Variants in WARS2 observed in about 807,000 individuals in gnomAD.
WARS2 encodes the protein tryptophan--tRNA ligase, mitochondrial.
Under a neutral mutation model 36.5 loss-of-function variants are expected in WARS2, and 28 were observed. The observed-to-expected ratio is 0.77, with a 90% CI of 0.57 to 1.05. The LOEUF is 1.05. Among genes scored for constraint, WARS2 ranks in the 50% least tolerant of loss-of-function variants. The pLI is 0.00. For missense variants in WARS2, 435 were observed against 456.8 expected (o/e 0.95, Z 0.44); for synonymous variants, 174 against 178.4 (o/e 0.98, Z 0.20).
chr1:119,097,388 C>T (rs1415002658), intron 1 of WARS2, among the ~76,000 whole-genome samples: 1 of 152,228 alleles, frequency 6.6e-6, no homozygotes, highest in Non-Finnish European at 1.5e-5. Context: ...ATCAAGTCTA[C>T]TTTTTCAGCC....
intron 1 of WARS2, among the ~76,000 whole-genome samples, chr1:119,115,413 G>A (rs1374183591): frequency 6.6e-6 from 1 of 152,112 alleles, no homozygotes; most frequent in African/African-American, 2.4e-5. Flanking sequence ...TTACAAAACT[G>A]GAGAGCAAAC....
At position 119,097,286 on chromosome 1, in the gene WARS2, A is replaced by T. The variant is rs377224455; in HGVS notation, c.91-20679T>A. On this transcript the variant is annotated intron_variant, in intron 1 of 5. Transcript: ENST00000235521. Reference sequence around the variant, plus strand: ...CCCAATTACCGATCAGATGTTTTATATAACAAAGTATTTTTCAAGTTCTCT... The same window carrying T: ...CCCAATTACCGATCAGATGTTTTATTTAACAAAGTATTTTTCAAGTTCTCT... 6.6e-5 allele frequency among the ~76,000 whole-genome samples: 10 copies of T among 152,324 alleles called. 1 individual carries two copies. The highest frequency in any genetic ancestry group is 2.4e-4 in the African/African-American group (10 of 41,570).
At chr1:119,046,061 C>T (rs1423626707) in intron 2 of WARS2, among the ~76,000 whole-genome samples, 1 of 152,048 alleles carries the variant, frequency 6.6e-6, no homozygotes, top group Non-Finnish European at 1.5e-5. Flanking sequence ...ACACTGGTTC[C>T]AAGCCTCTCT....
At chr1:119,069,494 G>A (rs983132728) in intron 2 of WARS2, among the ~76,000 whole-genome samples, 1 of 152,168 alleles carries the variant, frequency 6.6e-6, no homozygotes, top group African/African-American at 2.4e-5. Flanking sequence ...TGTTTTGTAA[G>A]TTAAGGACTG....
At chr1:119,126,649 T>A in intron 1 of WARS2, 1 of 713,728 alleles carries the variant, frequency 1.4e-6, no homozygotes. Context: ...CGAAGCTCCA[T>A]AAGTTTTCCC....
intron 2 of WARS2, among the ~76,000 whole-genome samples, chr1:119,056,654 T>C (rs917709637): frequency 1.3e-5 from 2 of 151,292 alleles, no homozygotes; most frequent in African/African-American, 4.8e-5. Context: ...TTCTGACAAA[T>C]CTATACACCA....
chr1:119,080,049 C>G (rs902713100), intron 1 of WARS2, among the ~76,000 whole-genome samples: 1 of 152,068 alleles, frequency 6.6e-6, no homozygotes, highest in African/African-American at 2.4e-5. Flanking sequence ...CTAACCAGCT[C>G]TGGATTCCTG....
chr1:119,117,481 G>A (rs938535716), intron 1 of WARS2, among the ~76,000 whole-genome samples: 1 of 152,168 alleles, frequency 6.6e-6, no homozygotes, highest in African/African-American at 2.4e-5. Flanking sequence ...CTGGCACTCT[G>A]TGCCACCTCT....
rs188235976 is a variant in WARS2 at position 119,067,135 on chromosome 1, A to T, written c.348+9215T>A. ...AAGCATGTAACATTGTACACAAAAA[A>T]TAGATGCAAGAGAATATGGGCAGCA... On this transcript the variant is annotated intron_variant, in intron 2 of 5. Coordinates refer to ENST00000235521, the MANE Select transcript of WARS2 (RefSeq NM_015836.4). Among the ~76,000 whole-genome samples, 5 of 152,196 alleles carry T rather than the reference A, an allele frequency of 3.3e-5. No homozygotes were observed. In the East Asian group the frequency reaches 7.7e-4, roughly 23 times the overall value.
intron 2 of WARS2, among the ~76,000 whole-genome samples, chr1:119,046,411 T>TACAC (rs1409261516): frequency 1.3e-5 from 2 of 150,096 alleles, no homozygotes; most frequent in Non-Finnish European, 3.0e-5. Flanking sequence ...TGCAGTGGTG[T>TACAC]GATCTCAGTT....
rs71586673 is a variant in WARS2, at chr1:119,135,759, T to TAGAGAGAG, written c.90+4788_90+4795dup. 1.8e-3 allele frequency among the ~76,000 whole-genome samples: 265 copies of TAGAGAGAG among 146,416 alleles called. 3 individuals are homozygous for TAGAGAGAG. Among genetic ancestry groups the TAGAGAGAG allele is most frequent in the African/African-American group, 6.4e-3 (250 of 38,890 alleles). On this transcript the variant is annotated intron_variant, in intron 1 of 5. Coordinates refer to ENST00000235521, the MANE Select transcript of WARS2 (RefSeq NM_015836.4). Reference sequence around the variant, plus strand: ...ATAGATAGATAGATAGATAGAGAGATAGAGAGAGAGAGAGAGATGGGTTTT... The same window carrying TAGAGAGAG: ...ATAGATAGATAGATAGATAGAGAGATAGAGAGAGAGAGAGAGAGAGAGAGATGGGTTTT...
At chr1:119,033,482 G>A in intron 5 of WARS2, 123 bp from the exon 6 acceptor site, 1 of 1,255,264 alleles carries the variant, frequency 8.0e-7, no homozygotes, top group Non-Finnish European at 1.1e-6. Flanking sequence ...CAACTTTACA[G>A]TGGTGCAAAT....
Position 119,038,553 on chromosome 1 carries a change from G to C in WARS2, c.515+3711C>G, listed in dbSNP as rs551718528. Among the ~76,000 whole-genome samples, 29 of 152,312 alleles carry C rather than the reference G, an allele frequency of 1.9e-4. No individual in the cohort carries two copies. In the South Asian group the frequency reaches 6.0e-3, roughly 32 times the overall value. ...TCTTCTCTGACTCTACCAGTCTGAAGTTTCTGAGCAATCATTTTACTCTCT... is the reference window on the plus strand; with the variant it reads ...TCTTCTCTGACTCTACCAGTCTGAACTTTCTGAGCAATCATTTTACTCTCT... On this transcript the variant is annotated intron_variant, in intron 4 of 5. Coordinates refer to ENST00000235521, the MANE Select transcript of WARS2 (RefSeq NM_015836.4).
At chr1:119,033,493 G>A in intron 5 of WARS2, 134 bp from the exon 6 acceptor site, 3 of 1,089,662 alleles carry the variant, frequency 2.8e-6, no homozygotes, top group Non-Finnish European at 4.0e-6. Flanking sequence ...TGGTGCAAAT[G>A]TGATATCCAT....
At chr1:119,085,281 G>A (rs1177173487) in intron 1 of WARS2, 1 of 1,019,182 alleles carries the variant, frequency 9.8e-7, no homozygotes, top group Non-Finnish European at 1.6e-6. Flanking sequence ...AGAGTAGGCA[G>A]TCCTGGCCTT....
At chr1:119,045,478 T>G (rs553580894) in intron 3 of WARS2, 104 bp downstream of exon 3, 3 of 925,798 alleles carry the variant, frequency 3.2e-6, no homozygotes, top group Non-Finnish European at 5.1e-6. Flanking sequence ...CAACCATTAG[T>G]GAGTGGCAGA....
intron 1 of WARS2, among the ~76,000 whole-genome samples, chr1:119,138,888 C>T (rs1443942000): frequency 6.6e-6 from 1 of 152,154 alleles, no homozygotes; most frequent in East Asian, 1.9e-4. Flanking sequence ...TTCATAAATG[C>T]CACTGAAACA....
chr1:119,077,753 G>T (rs1196481904), intron 1 of WARS2, among the ~76,000 whole-genome samples: 1 of 150,870 alleles, frequency 6.6e-6, no homozygotes, highest in Non-Finnish European at 1.5e-5. Flanking sequence ...AAAATGAAAA[G>T]AAAAAAAATG....
At chr1:119,135,531 A>G (rs918045898) in intron 1 of WARS2, among the ~76,000 whole-genome samples, 6 of 152,222 alleles carry the variant, frequency 3.9e-5, no homozygotes, top group African/African-American at 1.4e-4. Flanking sequence ...AAATTACCTA[A>G]ACTCTCTGAA....
Sources: gnomAD v4.1 joint callset for allele counts (sites outside exome capture counted in the v4.1 genomes callset) on GRCh38, gnomAD v4.1.1 for gene constraint, MANE v1.5 for transcripts, NCBI Gene and HGNC (gene_info 2026-07-23, HGNC 2026-07-21) for gene names.